The following RAD51B variants were observed in gnomAD, a reference collection of about 807,000 sequenced individuals.
RAD51B encodes RAD51 paralog B.
A neutral mutation model predicts 42.2 loss-of-function variants in RAD51B; 38 were observed. The observed-to-expected ratio is 0.90, with a 90% CI of 0.70 to 1.18. RAD51B has a LOEUF of 1.18. RAD51B is among the 50% of genes most tolerant of loss of function. The probability of loss-of-function intolerance (pLI) is 0.00; values close to 1 mark genes in which losing one functional copy is unlikely to be tolerated. For missense variants in RAD51B, 373 were observed against 400.7 expected (o/e 0.93, Z 0.59); for synonymous variants, 154 against 145.2 (o/e 1.06, Z -0.43).
intron 8 of RAD51B, among the ~76,000 whole-genome samples, chr14:68,325,683 G>A (rs1316702972): frequency 6.6e-6 from 1 of 151,452 alleles, no homozygotes; most frequent in East Asian, 1.9e-4. Context: ...TCTAGTTAGC[G>A]TGGTGCTTCC....
At chr14:68,099,900 G>A (rs768452762) in intron 7 of RAD51B, among the ~76,000 whole-genome samples, 2 of 152,168 alleles carry the variant, frequency 1.3e-5, no homozygotes, top group South Asian at 2.1e-4. Flanking sequence ...GAGGAAAACC[G>A]ATTAAATCTG....
At chr14:68,055,637 G>A (rs147349226) in intron 7 of RAD51B, among the ~76,000 whole-genome samples, 6 of 152,278 alleles carry the variant, frequency 3.9e-5, no homozygotes, top group Admixed American at 3.3e-4. Flanking sequence ...ACATTAATAT[G>A]TATGAGCACT....
chr14:68,624,682 T>G (rs1892032355), intron 10 of RAD51B, among the ~76,000 whole-genome samples: 1 of 152,026 alleles, frequency 6.6e-6, no homozygotes, highest in African/African-American at 2.4e-5. Flanking sequence ...CTGTTGAAAC[T>G]CAGCGCATGC....
chr14:68,471,437 G>C (rs2086122147), intron 10 of RAD51B, among the ~76,000 whole-genome samples: 1 of 152,176 alleles, frequency 6.6e-6, no homozygotes, highest in African/African-American at 2.4e-5. Flanking sequence ...GGTGAGGGCA[G>C]AATTCGATTT....
chr14:68,088,589 C>CGTGTGTGT (rs150938541), intron 7 of RAD51B, among the ~76,000 whole-genome samples: 1 of 136,964 alleles, frequency 7.3e-6, no homozygotes. Flanking sequence ...GTTATGGGAT[C>CGTGTGTGT]GTGTGTGTGT....
intron 7 of RAD51B, among the ~76,000 whole-genome samples, chr14:68,080,695 G>A (rs1167241573): frequency 6.6e-6 from 1 of 152,168 alleles, no homozygotes; most frequent in Non-Finnish European, 1.5e-5. Context: ...GTCTATTCAG[G>A]AGCATTAACT....
chr14:68,006,253 A>C (rs184166844), intron 7 of RAD51B, among the ~76,000 whole-genome samples: 13 of 152,298 alleles, frequency 8.5e-5, no homozygotes, highest in African/African-American at 2.6e-4. Flanking sequence ...TTTATATATT[A>C]TAAATACCAA....
chr14:68,589,278 A>T (rs953127548), intron 10 of RAD51B, among the ~76,000 whole-genome samples: 2 of 152,158 alleles, frequency 1.3e-5, no homozygotes, highest in Admixed American at 1.3e-4. Flanking sequence ...AAAATTACAA[A>T]CAAGAGAGTG....
chr14:68,037,086 C>T (rs114618054), intron 7 of RAD51B, among the ~76,000 whole-genome samples: 509 of 35,842 alleles, frequency 0.014, 33 homozygotes, highest in African/African-American at 0.065. Context: ...ATCCTTTCTC[C>T]TTTCTCCTTT....
chr14:67,924,138 G>A (rs1349603644), intron 7 of RAD51B, among the ~76,000 whole-genome samples: 7 of 151,884 alleles, frequency 4.6e-5, no homozygotes, highest in Admixed American at 2.0e-4. Context: ...GTCCTTTGTC[G>A]GATGCATAGT....
intron 7 of RAD51B, among the ~76,000 whole-genome samples, chr14:68,280,042 T>C (rs2081292606): frequency 6.6e-6 from 1 of 152,226 alleles, no homozygotes; most frequent in African/African-American, 2.4e-5. Context: ...CGTCATCACA[T>C]TTCAGCAGAA....
At chr14:68,217,624 A>T (rs148632823) in intron 7 of RAD51B, among the ~76,000 whole-genome samples, 18 of 152,264 alleles carry the variant, frequency 1.2e-4, no homozygotes, top group African/African-American at 3.9e-4. Context: ...CTGAAAATGT[A>T]CAGTCCCTGT....
chr14:68,203,921 C>T (rs1013470993), intron 7 of RAD51B, among the ~76,000 whole-genome samples: 6 of 152,190 alleles, frequency 3.9e-5, no homozygotes, highest in Admixed American at 3.9e-4. Context: ...GAGTTAAGCC[C>T]TTGCTCTGGA....
chr14:68,198,928 G>A (rs752788883), intron 7 of RAD51B, among the ~76,000 whole-genome samples: 29 of 152,214 alleles, frequency 1.9e-4, no homozygotes, highest in Non-Finnish European at 3.2e-4. Context: ...TTGAATTGTT[G>A]GAAACGTTCT....
intron 7 of RAD51B, among the ~76,000 whole-genome samples, chr14:68,280,698 GAGA>G (rs1299654133): frequency 2.0e-5 from 3 of 152,208 alleles, no homozygotes; most frequent in African/African-American, 7.2e-5. Flanking sequence ...ACCATAGAGA[GAGA>G]AGGATAACAC....
chr14:68,426,007 C>CCTTCCTTT (rs1183115143), intron 9 of RAD51B, among the ~76,000 whole-genome samples: 1,443 of 116,288 alleles, frequency 0.012, 10 homozygotes, highest in South Asian at 0.021. Flanking sequence ...TTCCTTCCTT[C>CCTTCCTTT]CTTTCTTTCT....
At position 67,823,539 on chromosome 14, in the gene RAD51B, G is replaced by A. The variant is rs753302314; in HGVS notation, c.-2-3G>A. The stretch of plus-strand genomic sequence containing the variant: ...GTTCTTCTTTTCTTTGCTGGATCTG[G>A]AGGCATGGGTAGCAAGAAACTAAAA... On this transcript the variant is annotated splice_polypyrimidine_tract_variant and splice_region_variant and intron_variant, in intron 1 of 10. Coordinates refer to ENST00000471583, the MANE Select transcript of RAD51B (RefSeq NM_133510.4). 2 of 1,612,438 alleles carry A rather than the reference G, an allele frequency of 1.2e-6. No individual in the cohort carries two copies. Among genetic ancestry groups the A allele is most frequent in the Admixed American group, 1.7e-5 (1 of 59,876 alleles).
chr14:68,196,720 A>G (rs2255767), intron 7 of RAD51B, among the ~76,000 whole-genome samples: 128,748 of 152,116 alleles, frequency 0.85, 54,608 homozygotes, highest in East Asian at 0.98. Context: ...CAGGTTCCCC[A>G]ATATCTAAGA....
At chr14:68,239,032 T>A (rs1376588664) in intron 7 of RAD51B, among the ~76,000 whole-genome samples, 2 of 152,230 alleles carry the variant, frequency 1.3e-5, no homozygotes, top group African/African-American at 4.8e-5. Flanking sequence ...ATGACAAATA[T>A]TTATCAAATA....
Sources: gnomAD v4.1 joint callset for allele counts (sites outside exome capture counted in the v4.1 genomes callset) on GRCh38, gnomAD v4.1.1 for gene constraint, MANE v1.5 for transcripts, NCBI Gene and HGNC (gene_info 2026-07-23, HGNC 2026-07-21) for gene names.